Variants in CLEC16A observed in about 807,000 individuals in gnomAD.
CLEC16A encodes the protein C-type lectin domain containing 16A.
A neutral mutation model predicts 109.5 loss-of-function variants in CLEC16A; 51 were observed. The ratio of observed to expected loss-of-function variants is 0.47; its 90% CI spans 0.37 to 0.59. The LOEUF is 0.59. Among genes scored for constraint, CLEC16A ranks in the 20% least tolerant of loss-of-function variants. The pLI is 0.00. For missense variants in CLEC16A, 1,339 were observed against 1,394.0 expected, an observed-to-expected ratio of 0.96 and a Z score of 0.63; for synonymous variants, 673 against 564.2, an observed-to-expected ratio of 1.19 and a Z score of -2.73.
chr16:11,154,700 G>A (rs1030569250), intron 22 of CLEC16A, among the ~76,000 whole-genome samples: 4 of 152,260 alleles, frequency 2.6e-5, no homozygotes, highest in Non-Finnish European at 2.9e-5. Context: ...TGAGGTGGGC[G>A]GATCACCTGA....
intron 22 of CLEC16A, among the ~76,000 whole-genome samples, chr16:11,132,248 C>G (rs1260659254): frequency 4.8e-5 from 7 of 145,588 alleles, no homozygotes; most frequent in African/African-American, 1.8e-4. Context: ...CCCCCGCCCC[C>G]GCCCCCATCC....
At position 10,969,717 on chromosome 16, in the gene CLEC16A, G is replaced by A. The variant is rs904626418; in HGVS notation, c.492+408G>A. On this transcript the variant is annotated intron_variant, in intron 4 of 23. Coordinates refer to ENST00000409790, the MANE Select transcript of CLEC16A (RefSeq NM_015226.3). ...TTTATACTTGGTAGAGAGGAGACATGCCCAGATGTTGTCTTGGGGAAGTGT... is the reference window on the plus strand; with the variant it reads ...TTTATACTTGGTAGAGAGGAGACATACCCAGATGTTGTCTTGGGGAAGTGT... Among the ~76,000 whole-genome samples, 4 of 152,122 alleles carry A rather than the reference G, an allele frequency of 2.6e-5. No individual in the cohort carries two copies. The South Asian group carries it at 8.3e-4, about 32-fold the overall frequency.
intron 19 of CLEC16A, among the ~76,000 whole-genome samples, chr16:11,063,171 T>C (rs1036123966): frequency 6.6e-6 from 1 of 152,120 alleles, no homozygotes; most frequent in Non-Finnish European, 1.5e-5. Context: ...ATTATGTCTT[T>C]TGCTAAGGAG....
At chr16:11,072,651 G>C (rs1402235350) in intron 19 of CLEC16A, among the ~76,000 whole-genome samples, 1 of 152,068 alleles carries the variant, frequency 6.6e-6, no homozygotes, top group Non-Finnish European at 1.5e-5. Flanking sequence ...CTGTAAAGTG[G>C]GTCTAATAGT....
rs2068827349 is a variant in CLEC16A, at chr16:11,178,029, C to G, written c.2807-306C>G. On this transcript the variant is annotated intron_variant, in intron 23 of 23. Coordinates refer to ENST00000409790, the MANE Select transcript of CLEC16A (RefSeq NM_015226.3). This position sits in a 1 kb window ranked among gnomAD's most constrained non-coding sequence, Gnocchi z 6.5. ...CACATAAAGCCTGTCAGCTGGGTCTCTGCACCCAGGAACTGTGCTTTCATA... is the reference window on the plus strand; with the variant it reads ...CACATAAAGCCTGTCAGCTGGGTCTGTGCACCCAGGAACTGTGCTTTCATA... 6.6e-6 allele frequency among the ~76,000 whole-genome samples: 1 copy of G among 152,204 alleles called. No homozygotes were observed. The highest frequency in any genetic ancestry group is 1.5e-5 in the Non-Finnish European group (1 of 68,042).
chr16:10,989,860 TG>T (rs1213670707), intron 10 of CLEC16A, among the ~76,000 whole-genome samples: 1 of 152,250 alleles, frequency 6.6e-6, no homozygotes, highest in African/African-American at 2.4e-5. Context: ...TTAGCTCCCC[TG>T]GTCGCTGCTG....
chr16:10,971,598 G>A, intron 5 of CLEC16A: 1 of 887,352 alleles, frequency 1.1e-6, no homozygotes, highest in Non-Finnish European at 1.4e-6. Context: ...ACAGCTAAGG[G>A]GTAATTTGAC....
intron 19 of CLEC16A, among the ~76,000 whole-genome samples, chr16:11,104,577 G>T (rs1377518435): frequency 6.6e-6 from 1 of 152,154 alleles, no homozygotes; most frequent in Non-Finnish European, 1.5e-5. Context: ...GAAATCCAAG[G>T]GAAAGAGAAG....
At chr16:11,115,528 A>G (rs2051920654) in intron 19 of CLEC16A, among the ~76,000 whole-genome samples, 1 of 152,172 alleles carries the variant, frequency 6.6e-6, no homozygotes, top group Non-Finnish European at 1.5e-5. Context: ...ACATGCCACT[A>G]CAGCCAGTTG....
At chr16:11,113,492 C>A (rs914926583) in intron 19 of CLEC16A, among the ~76,000 whole-genome samples, 1 of 152,024 alleles carries the variant, frequency 6.6e-6, no homozygotes, top group African/African-American at 2.4e-5. Context: ...AACCCCATCT[C>A]TACAAAAAAT....
intron 20 of CLEC16A, among the ~76,000 whole-genome samples, 161 bp downstream of exon 20, chr16:11,120,927 A>G (rs2052364158): frequency 6.6e-6 from 1 of 152,170 alleles, no homozygotes; most frequent in African/African-American, 2.4e-5. Context: ...AAAAGCTAAA[A>G]TACCACATAA....
At chr16:11,117,060 G>T (rs2052047689) in intron 19 of CLEC16A, among the ~76,000 whole-genome samples, 1 of 152,178 alleles carries the variant, frequency 6.6e-6, no homozygotes, top group African/African-American at 2.4e-5. Context: ...GGCAGCCTAA[G>T]TGAATTGATG....
chr16:10,954,005 C>T lies in CLEC16A; in HGVS notation c.81-3777C>T, dbSNP rs1003196467. Among the ~76,000 whole-genome samples, 2 of 151,414 alleles carry T rather than the reference C, an allele frequency of 1.3e-5. No individual in the cohort carries two copies. The highest frequency in any genetic ancestry group is 4.2e-4 in the South Asian group (2 of 4,802). The stretch of plus-strand genomic sequence containing the variant: ...AAAAAAAAAATGGGCAAAAGACTTG[C>T]ACAGGCACCTCACAAAAGAAGATAT... On this transcript the variant is annotated intron_variant, in intron 1 of 23. Coordinates refer to ENST00000409790, the MANE Select transcript of CLEC16A (RefSeq NM_015226.3). The surrounding 1 kb of genome is among the most constrained non-coding windows in gnomAD (Gnocchi z 4.2).
At chr16:11,017,776 C>T (rs533800538) in intron 11 of CLEC16A, among the ~76,000 whole-genome samples, 1 of 152,086 alleles carries the variant, frequency 6.6e-6, no homozygotes, top group East Asian at 1.9e-4. Context: ...ATTGCACAAA[C>T]CCAGAGTGAG....
chr16:11,160,438 C>T (rs1458591405), intron 22 of CLEC16A, among the ~76,000 whole-genome samples: 1 of 152,158 alleles, frequency 6.6e-6, no homozygotes, highest in African/African-American at 2.4e-5. Flanking sequence ...AGTCCACTTG[C>T]ACCACATGGG....
At chr16:11,128,143 A>C (rs1479782181) in intron 22 of CLEC16A, among the ~76,000 whole-genome samples, 1 of 152,214 alleles carries the variant, frequency 6.6e-6, no homozygotes, top group Non-Finnish European at 1.5e-5. Context: ...TTACTGGTTA[A>C]AGAGAAAAGC....
chr16:11,021,526 G>A (rs957394027), intron 12 of CLEC16A, among the ~76,000 whole-genome samples: 1 of 152,220 alleles, frequency 6.6e-6, no homozygotes, highest in Non-Finnish European at 1.5e-5. Flanking sequence ...GGCCAGGCAT[G>A]GTTGTTCACA....
intron 22 of CLEC16A, among the ~76,000 whole-genome samples, chr16:11,134,647 C>CT (rs2053453206): frequency 6.6e-6 from 1 of 152,204 alleles, no homozygotes; most frequent in Non-Finnish European, 1.5e-5. Context: ...TTTAGCTTCA[C>CT]TAATCTAAAA....
intron 19 of CLEC16A, among the ~76,000 whole-genome samples, chr16:11,091,354 G>A (rs1292734741): frequency 6.6e-6 from 1 of 152,254 alleles, no homozygotes; most frequent in African/African-American, 2.4e-5. Flanking sequence ...TTACTTTGTG[G>A]TGGATGCCCC....
Sources: allele counts gnomAD v4.1 joint callset (sites outside exome capture counted in the v4.1 genomes callset), GRCh38; gene constraint gnomAD v4.1.1; non-coding constraint Gnocchi (gnomAD v3.1); transcripts MANE v1.5; gene names NCBI Gene and HGNC (gene_info 2026-07-23, HGNC 2026-07-21).